The following EDIL3 variants were observed in gnomAD, a reference collection of about 807,000 sequenced individuals.
EDIL3 encodes the protein EGF like and discoidin domains 3.
A neutral mutation model predicts 67.4 loss-of-function variants in EDIL3; 37 were observed. That is an observed-to-expected ratio of 0.55 (90% CI 0.42 to 0.72). EDIL3 has a LOEUF of 0.72. Among genes scored for constraint, EDIL3 ranks in the 30% least tolerant of loss-of-function variants. The pLI is 0.00. For synonymous variants in EDIL3, 195 were observed against 196.3 expected, an observed-to-expected ratio of 0.99 and a Z score of 0.05; for missense variants, 527 against 586.3, an observed-to-expected ratio of 0.90 and a Z score of 1.04.
intron 4 of EDIL3, among the ~76,000 whole-genome samples, chr5:84,145,794 T>A (rs1748281912): frequency 7.0e-6 from 1 of 143,200 alleles, no homozygotes; most frequent in Non-Finnish European, 1.5e-5. Context: ...TATAAGAAAA[T>A]CTTTGTTTAT....
chr5:84,018,259 T>C (rs549470966), intron 9 of EDIL3, among the ~76,000 whole-genome samples: 50 of 152,314 alleles, frequency 3.3e-4, no homozygotes, highest in African/African-American at 1.2e-3. Context: ...TTACATCTGA[T>C]ACTTCTCTGC....
intron 9 of EDIL3, among the ~76,000 whole-genome samples, chr5:83,968,482 A>T (rs1482028645): frequency 1.3e-5 from 2 of 152,094 alleles, no homozygotes; most frequent in African/African-American, 2.4e-5. Flanking sequence ...CTGTCAAAGG[A>T]TGAAGTTTTC....
At chr5:84,355,982 T>C (rs931733735) in intron 1 of EDIL3, among the ~76,000 whole-genome samples, 8 of 151,964 alleles carry the variant, frequency 5.3e-5, no homozygotes, top group Admixed American at 3.3e-4. Context: ...TTAAAGTGAA[T>C]GCTATGAATA....
chr5:83,998,345 A>C (rs1745269204), intron 9 of EDIL3, among the ~76,000 whole-genome samples: 3 of 152,290 alleles, frequency 2.0e-5, no homozygotes, highest in African/African-American at 7.2e-5. Flanking sequence ...ACAGAAGGGA[A>C]CTCGCTACGT....
At chr5:84,149,535 C>T (rs1034381344) in intron 4 of EDIL3, among the ~76,000 whole-genome samples, 4 of 152,016 alleles carry the variant, frequency 2.6e-5, no homozygotes, top group Non-Finnish European at 5.9e-5. Flanking sequence ...AAACTGTTTC[C>T]AAATAACCTA....
chr5:84,242,666 A>T (rs1057443965), intron 2 of EDIL3, among the ~76,000 whole-genome samples: 5 of 151,104 alleles, frequency 3.3e-5, no homozygotes, highest in African/African-American at 1.2e-4. Context: ...GGCTTGGTGG[A>T]GTGTACCTGT....
chr5:84,007,727 A>T (rs541811494), intron 9 of EDIL3, among the ~76,000 whole-genome samples: 1 of 152,162 alleles, frequency 6.6e-6, no homozygotes, highest in Non-Finnish European at 1.5e-5. Context: ...GAGATTCTTC[A>T]AAAAACTAAA....
At chr5:84,083,149 GAT>G (rs1043316263) in intron 6 of EDIL3, among the ~76,000 whole-genome samples, 1 of 152,198 alleles carries the variant, frequency 6.6e-6, no homozygotes, top group African/African-American at 2.4e-5. Context: ...AAATAGGAAA[GAT>G]AAAATAGCTT....
rs3776890 is a variant in EDIL3, at chr5:84,229,143, A to G, written c.226+712T>C. ...AGCTTTTTCTTCCCATTATATTCTT[A>G]TAATTGTGTCTGGTCTTTAGTCTCT... On this transcript the variant is annotated intron_variant, in intron 3 of 10. Transcript: ENST00000296591. Among the ~76,000 whole-genome samples, 40 of 151,874 alleles carry G rather than the reference A, an allele frequency of 2.6e-4. No individual in the cohort carries two copies. In the East Asian group the frequency reaches 7.7e-3, roughly 29 times the overall value.
intron 1 of EDIL3, among the ~76,000 whole-genome samples, chr5:84,294,625 T>A (rs562907171): frequency 5.9e-5 from 9 of 152,132 alleles, no homozygotes; most frequent in African/African-American, 1.9e-4. Context: ...TCTTTATATT[T>A]AAAAAATAAT....
chr5:84,113,731 C>T (rs1348241497), intron 5 of EDIL3, among the ~76,000 whole-genome samples: 3 of 152,140 alleles, frequency 2.0e-5, no homozygotes, highest in South Asian at 2.1e-4. Context: ...CAGCTGAATC[C>T]GCAACAGGAA....
intron 9 of EDIL3, among the ~76,000 whole-genome samples, chr5:84,039,811 TATA>T (rs918021229): frequency 6.6e-6 from 1 of 151,910 alleles, no homozygotes; most frequent in African/African-American, 2.4e-5. Context: ...AAACTTAAAG[TATA>T]ATAATAATAA....
chr5:84,255,564 T>C (rs1325735840), intron 1 of EDIL3, among the ~76,000 whole-genome samples: 1 of 152,148 alleles, frequency 6.6e-6, no homozygotes, highest in African/African-American at 2.4e-5. Context: ...AAGGGACTTT[T>C]CAAAATAAAA....
intron 1 of EDIL3, among the ~76,000 whole-genome samples, chr5:84,378,834 G>A (rs2112221759): frequency 6.6e-6 from 1 of 152,256 alleles, no homozygotes; most frequent in South Asian, 2.1e-4. Context: ...TTCCACTTAT[G>A]TTTTAAACTT....
chr5:84,063,223 T>C (rs1366928907), intron 8 of EDIL3, among the ~76,000 whole-genome samples: 2 of 152,122 alleles, frequency 1.3e-5, no homozygotes, highest in East Asian at 1.9e-4. Flanking sequence ...CTAAAAACCA[T>C]GTGGCTTGCA....
chr5:84,027,119 T>C (rs1397248598), intron 9 of EDIL3, among the ~76,000 whole-genome samples: 1 of 151,972 alleles, frequency 6.6e-6, no homozygotes, highest in Non-Finnish European at 1.5e-5. Flanking sequence ...TAAGTAAATA[T>C]AAAGGGACAT....
At chr5:84,036,180 A>T (rs562107212) in intron 9 of EDIL3, among the ~76,000 whole-genome samples, 1 of 152,276 alleles carries the variant, frequency 6.6e-6, no homozygotes, top group South Asian at 2.1e-4. Context: ...CATCCAGGAG[A>T]CCTGTCTCTT....
intron 9 of EDIL3, among the ~76,000 whole-genome samples, chr5:84,021,109 G>T (rs1745706518): frequency 6.6e-6 from 1 of 151,786 alleles, no homozygotes; most frequent in African/African-American, 2.4e-5. Context: ...TGTTTATTTG[G>T]ATCTTCTTTC....
chr5:84,101,051 T>C (rs1349084998), intron 6 of EDIL3, among the ~76,000 whole-genome samples: 1 of 152,142 alleles, frequency 6.6e-6, no homozygotes, highest in Non-Finnish European at 1.5e-5. Flanking sequence ...GTAATCCTTT[T>C]AGAATTATTA....
Sources: gnomAD v4.1 joint callset for allele counts (sites outside exome capture counted in the v4.1 genomes callset) on GRCh38, gnomAD v4.1.1 for gene constraint, MANE v1.5 for transcripts, NCBI Gene and HGNC (gene_info 2026-07-23, HGNC 2026-07-21) for gene names.